Variants in SLC9C1 observed in about 807,000 individuals in gnomAD.
SLC9C1 encodes the protein solute carrier family 9 member C1.
SLC9C1 carries 97 observed loss-of-function variants against 140.9 expected under a neutral mutation model. The ratio of observed to expected loss-of-function variants is 0.69; its 90% CI spans 0.58 to 0.82. The LOEUF (loss-of-function observed/expected upper bound fraction) is 0.82, where lower values mean the gene tolerates loss of function less well. Ranked by LOEUF, SLC9C1 falls within the 40% of genes least tolerant of loss-of-function variation. The probability of loss-of-function intolerance (pLI) is 0.00; values close to 1 mark genes in which losing one functional copy is unlikely to be tolerated. For synonymous variants in SLC9C1, 440 were observed against 442.6 expected (o/e 0.99, Z 0.07); for missense variants, 1,340 against 1,389.3 (o/e 0.96, Z 0.56).
rs774491718 is a variant in SLC9C1, at chr3:112,266,193, A to G, written c.878+45T>C. On this transcript the variant is annotated intron_variant, in intron 8 of 28. Transcript: ENST00000305815. The stretch of plus-strand genomic sequence containing the variant: ...GATATTGTTACTATTATAATATTAT[A>G]GCTTCCAGTGTATGAAATAAAGTCA... 3.1e-6 allele frequency: 4 copies of G among 1,309,580 alleles called. No homozygotes were observed. In the South Asian group the frequency reaches 5.1e-5, roughly 17 times the overall value. The allele number at this position is 1,309,580 out of a possible 1,614,324, so 81.1% of individuals were successfully genotyped here.
intron 15 of SLC9C1, among the ~76,000 whole-genome samples, chr3:112,215,696 A>G (rs1188494862): frequency 6.6e-6 from 1 of 152,210 alleles, no homozygotes; most frequent in East Asian, 1.9e-4. Context: ...CTGCTCAACA[A>G]AATAAATGAG....
chr3:112,177,855 C>T (rs1409423059), intron 23 of SLC9C1, among the ~76,000 whole-genome samples: 1 of 149,038 alleles, frequency 6.7e-6, no homozygotes, highest in East Asian at 2.0e-4. Flanking sequence ...AAGCAGAAGG[C>T]TAGAGTGTTT....
intron 13 of SLC9C1, among the ~76,000 whole-genome samples, chr3:112,222,426 G>A (rs1436718964): frequency 1.3e-5 from 2 of 152,086 alleles, no homozygotes; most frequent in East Asian, 1.9e-4. Flanking sequence ...TTTGAAAAGC[G>A]AGATTTATTG....
chr3:112,207,572 A>G (rs1041399464), intron 16 of SLC9C1, among the ~76,000 whole-genome samples: 3 of 152,128 alleles, frequency 2.0e-5, no homozygotes, highest in East Asian at 1.9e-4. Flanking sequence ...TGACCAATTC[A>G]TTCCTGAGCT....
At chr3:112,174,201 C>G (rs2077295248) in intron 23 of SLC9C1, among the ~76,000 whole-genome samples, 1 of 152,178 alleles carries the variant, frequency 6.6e-6, no homozygotes, top group South Asian at 2.1e-4. Context: ...TTGTCAGATG[C>G]ATAGTTTGCA....
chr3:112,245,040 A>T (rs1245906821), intron 10 of SLC9C1, among the ~76,000 whole-genome samples: 1 of 152,220 alleles, frequency 6.6e-6, no homozygotes, highest in Non-Finnish European at 1.5e-5. Flanking sequence ...TCAAGATGCA[A>T]AATATCTCAC....
chr3:112,223,417 T>C (rs1300593828), intron 13 of SLC9C1, among the ~76,000 whole-genome samples: 3 of 152,176 alleles, frequency 2.0e-5, no homozygotes, highest in Admixed American at 6.5e-5. Flanking sequence ...AAAATTAACA[T>C]AGAGGTAGAT....
At chr3:112,290,374 A>AT (rs11354641) in intron 1 of SLC9C1, among the ~76,000 whole-genome samples, 163 of 151,810 alleles carry the variant, frequency 1.1e-3, no homozygotes, top group African/African-American at 2.7e-3. Context: ...ATTATAATAA[A>AT]TTTTTTTTTC....
intron 12 of SLC9C1, among the ~76,000 whole-genome samples, chr3:112,231,750 T>G (rs1436961503): frequency 6.6e-6 from 1 of 152,224 alleles, no homozygotes; most frequent in African/African-American, 2.4e-5. Context: ...TTTAAAAAGC[T>G]ATCACATATA....
At chr3:112,222,499 G>T (rs1050425770) in intron 13 of SLC9C1, among the ~76,000 whole-genome samples, 11 of 151,984 alleles carry the variant, frequency 7.2e-5, no homozygotes, top group Non-Finnish European at 1.5e-4. Context: ...AACATTTGAG[G>T]CAATAAATCA....
intron 10 of SLC9C1, among the ~76,000 whole-genome samples, chr3:112,258,966 G>A (rs2079691145): frequency 3.3e-5 from 5 of 152,166 alleles, no homozygotes; most frequent in African/African-American, 7.2e-5. Flanking sequence ...CAGATCTCAT[G>A]AGAACTCACT....
At chr3:112,245,896 T>C (rs1027578300) in intron 10 of SLC9C1, among the ~76,000 whole-genome samples, 2 of 152,174 alleles carry the variant, frequency 1.3e-5, no homozygotes, top group Non-Finnish European at 2.9e-5. Context: ...GTCTTGCATA[T>C]TTTGGAAAGA....
At position 112,216,425 on chromosome 3, in the gene SLC9C1, C is replaced by G. The variant is rs562791436; in HGVS notation, c.1790+1017G>C. Among the ~76,000 whole-genome samples, 140 of 152,082 alleles carry G rather than the reference C, an allele frequency of 9.2e-4. 2 individuals are homozygous for G. The highest frequency in any genetic ancestry group is 3.1e-3 in the African/African-American group (129 of 41,454). The stretch of plus-strand genomic sequence containing the variant: ...ACCATCAGAGTGAACAGGCAACCTA[C>G]AGAATGGGAGAAAATTTTTGCAATA... On this transcript the variant is annotated intron_variant, in intron 15 of 28. Transcript: ENST00000305815.
At chr3:112,162,074 C>G (rs1201954145) in intron 26 of SLC9C1, among the ~76,000 whole-genome samples, 1 of 152,128 alleles carries the variant, frequency 6.6e-6, no homozygotes, top group African/African-American at 2.4e-5. Flanking sequence ...CTCTGTTTGT[C>G]TGTTGTTGGT....
chr3:112,231,455 T>C lies in SLC9C1; in HGVS notation c.1478A>G (p.Lys493Arg), dbSNP rs768317449. The change falls in exon 13 of 29, where the codon AAG (lysine) becomes AGG (arginine). Residue 493 changes from lysine (K) to arginine (R), a missense_variant. Lys to Arg is a conservative substitution (Grantham distance 26). Transcript: ENST00000305815. ...LNEEETTEHQKVKCPHCNKEI... is the reference protein window; with the variant it reads ...LNEEETTEHQRVKCPHCNKEI... ...CTTGTTACAGTGTGGACATTTCACC[T>C]TCTGATGTTCTGTTGTTTCTTCTTC... The C allele has an allele frequency of 4.3e-6, 7 of 1,612,260 alleles. No individual in the cohort carries two copies. The African/African-American group carries it at 9.3e-5, about 22-fold the overall frequency.
chr3:112,230,618 A>G (rs1444586371), intron 13 of SLC9C1, among the ~76,000 whole-genome samples: 3 of 152,138 alleles, frequency 2.0e-5, no homozygotes, highest in African/African-American at 7.2e-5. Context: ...ATCATACCCT[A>G]CAGATCTCCC....
At chr3:112,143,418 T>G (rs1032350431) in intron 28 of SLC9C1, among the ~76,000 whole-genome samples, 1 of 152,206 alleles carries the variant, frequency 6.6e-6, no homozygotes, top group Admixed American at 6.5e-5. Context: ...TTTGTCTTTT[T>G]AGTAAGAGTC....
chr3:112,169,120 CATAA>C lies in SLC9C1; in HGVS notation c.3052-62_3052-59del, dbSNP rs931706432. ...TAGTCTATGAAGTTCAGTATATATT[CATAA>C]ATAGTCAATTATAATGTTTTAATGC... On this transcript the variant is annotated intron_variant, in intron 24 of 28. Transcript: ENST00000305815. 6.4e-5 allele frequency: 100 copies of C among 1,574,034 alleles called. No homozygotes were observed. In the African/African-American group the frequency reaches 1.2e-3, roughly 19 times the overall value.
intron 11 of SLC9C1, among the ~76,000 whole-genome samples, chr3:112,241,429 C>A (rs2079136782): frequency 6.6e-6 from 1 of 152,078 alleles, no homozygotes; most frequent in Non-Finnish European, 1.5e-5. Context: ...CTATAAAACA[C>A]TGTGAAAGTA....
Sources: gnomAD v4.1 joint callset for allele counts (sites outside exome capture counted in the v4.1 genomes callset) on GRCh38, gnomAD v4.1.1 for gene constraint, MANE v1.5 for transcripts, NCBI Gene and HGNC (gene_info 2026-07-23, HGNC 2026-07-21) for gene names.